TLE4: variants seen among roughly 807,000 people sequenced by gnomAD.
TLE4 encodes the protein transducin-like enhancer protein 4.
TLE4 carries 8 observed loss-of-function variants against 92.8 expected under a neutral mutation model. That is an observed-to-expected ratio of 0.09 (90% CI 0.05 to 0.16). The LOEUF (loss-of-function observed/expected upper bound fraction) is 0.16, where lower values mean the gene tolerates loss of function less well. Ranked by LOEUF, TLE4 falls within the 10% of genes least tolerant of loss-of-function variation. The pLI is 1.00. For missense variants in TLE4, 675 were observed against 997.6 expected, an observed-to-expected ratio of 0.68 and a Z score of 4.36; for synonymous variants, 371 against 374.1, an observed-to-expected ratio of 0.99 and a Z score of 0.10.
chr9:79,595,910 G>C (rs558056936), intron 4 of TLE4, among the ~76,000 whole-genome samples: 1 of 148,870 alleles, frequency 6.7e-6, no homozygotes, highest in African/African-American at 2.5e-5. Context: ...GCAGTGGCAC[G>C]ATCTCAGCTC....
intron 4 of TLE4, among the ~76,000 whole-genome samples, chr9:79,595,550 G>A (rs765507906): frequency 9.2e-5 from 14 of 152,166 alleles, no homozygotes; most frequent in Non-Finnish European, 1.8e-4. Context: ...GTTGTATCAG[G>A]TTATTTTATA....
At position 79,687,173 on chromosome 9, in the gene TLE4, G is replaced by A. The variant is rs567818116; in HGVS notation, c.610-17610G>A. 6.6e-5 allele frequency among the ~76,000 whole-genome samples: 10 copies of A among 152,300 alleles called. No homozygotes were observed. In the South Asian group the frequency reaches 1.2e-3, roughly 19 times the overall value. On this transcript the variant is annotated intron_variant, in intron 8 of 19. Coordinates refer to ENST00000376552, the MANE Select transcript of TLE4 (RefSeq NM_007005.6). ...CTACATTCTTCTTCTCCCCCGAATC[G>A]TAATTGCCCTTGGATCCAGCCGTGG...
chr9:79,676,824 T>TA (rs1404890857), intron 8 of TLE4, among the ~76,000 whole-genome samples: 2 of 152,174 alleles, frequency 1.3e-5, no homozygotes, highest in Non-Finnish European at 2.9e-5. Context: ...TTTATTATTT[T>TA]AAAAAATCCT....
intron 8 of TLE4, among the ~76,000 whole-genome samples, chr9:79,681,842 G>A (rs2064732310): frequency 7.1e-6 from 1 of 140,138 alleles, no homozygotes; most frequent in African/African-American, 3.0e-5. Context: ...ATGTGTGTGT[G>A]TGTGTGTGTG....
chr9:79,669,202 T>C (rs2061869558), intron 8 of TLE4, among the ~76,000 whole-genome samples: 1 of 152,136 alleles, frequency 6.6e-6, no homozygotes. Flanking sequence ...AGTGCACACA[T>C]GGTCAGTGGA....
chr9:79,687,596 C>G (rs1201505001), intron 8 of TLE4, among the ~76,000 whole-genome samples: 2 of 152,182 alleles, frequency 1.3e-5, no homozygotes, highest in Non-Finnish European at 2.9e-5. Flanking sequence ...ATTGTCAACC[C>G]TAATGAAGCA....
At chr9:79,674,794 G>A (rs1318194604) in intron 8 of TLE4, among the ~76,000 whole-genome samples, 17 of 152,186 alleles carry the variant, frequency 1.1e-4, no homozygotes, top group Admixed American at 9.2e-4. Context: ...ACACAGTCCC[G>A]TGCGTGTTTT....
At chr9:79,707,291 C>T (rs1371515912) in intron 11 of TLE4, 6 of 1,220,486 alleles carry the variant, frequency 4.9e-6, no homozygotes, top group Non-Finnish European at 7.2e-6. Flanking sequence ...CATATGACGG[C>T]AATAATTTTC....
chr9:79,674,477 G>A (rs1035419754), intron 8 of TLE4, among the ~76,000 whole-genome samples: 1 of 152,154 alleles, frequency 6.6e-6, no homozygotes, highest in Non-Finnish European at 1.5e-5. Flanking sequence ...CTTGATGTAG[G>A]CAAAATGCAA....
intron 6 of TLE4, among the ~76,000 whole-genome samples, chr9:79,645,307 C>A (rs774617947): frequency 2.0e-5 from 3 of 152,044 alleles, no homozygotes; most frequent in Admixed American, 6.5e-5. Flanking sequence ...AAGGAAGGTG[C>A]GTGTTTTTTG....
At chr9:79,694,582 C>T (rs1329036680) in intron 8 of TLE4, among the ~76,000 whole-genome samples, 1 of 152,150 alleles carries the variant, frequency 6.6e-6, no homozygotes, top group Non-Finnish European at 1.5e-5. Context: ...ACTGAAGTTA[C>T]TATCAGTCAC....
At position 79,606,376 on chromosome 9, in the gene TLE4, T is replaced by G. The variant is rs534344939; in HGVS notation, c.253-6280T>G. ...TACCTAAGATTAGTGTGTGTGTGTT[T>G]TTTTTTTTTTTTTAAATACTTTTTA... is the stretch of plus-strand genomic sequence containing the variant. On this transcript the variant is annotated intron_variant, in intron 4 of 19. Transcript: ENST00000376552. Among the ~76,000 whole-genome samples the G allele has an allele frequency of 7.7e-4, 109 of 141,608 alleles. 1 individual carries two copies. The highest frequency in any genetic ancestry group is 4.5e-3 in the East Asian group (23 of 5,070). The allele number at this position is 141,608 out of a possible 152,430, so 92.9% of individuals were successfully genotyped here. A position where few individuals can be genotyped will look rare whatever the true frequency, so the allele number is the denominator to read the frequency against.
At chr9:79,649,986 G>A (rs2058698282) in intron 6 of TLE4, 2 of 805,432 alleles carry the variant, frequency 2.5e-6, no homozygotes, top group Admixed American at 3.3e-5. Context: ...CACAATCATG[G>A]CTCACTGCAG....
intron 19 of TLE4, among the ~76,000 whole-genome samples, chr9:79,724,679 A>G (rs1400530833): frequency 6.6e-6 from 1 of 151,712 alleles, no homozygotes; most frequent in Non-Finnish European, 1.5e-5. Context: ...CCCTCTCTCT[A>G]CAAAAAAAGT....
At chr9:79,677,277 A>G (rs1030068332) in intron 8 of TLE4, among the ~76,000 whole-genome samples, 5 of 152,166 alleles carry the variant, frequency 3.3e-5, no homozygotes, top group African/African-American at 1.2e-4. Flanking sequence ...AACTATTTGC[A>G]TGCTAAAAGT....
chr9:79,576,800 C>T (rs1243244259), intron 4 of TLE4: 2 of 143,996 alleles, frequency 1.4e-5, no homozygotes, highest in Non-Finnish European at 3.0e-5. Context: ...GCAATTAGTT[C>T]AGTAGCAAAA....
At chr9:79,675,490 A>T (rs761023395) in intron 8 of TLE4, among the ~76,000 whole-genome samples, 1 of 152,242 alleles carries the variant, frequency 6.6e-6, no homozygotes, top group Non-Finnish European at 1.5e-5. Context: ...GCATTTTCTT[A>T]TATTAATTTG....
chr9:79,682,193 C>T (rs918058842), intron 8 of TLE4, among the ~76,000 whole-genome samples: 7 of 152,002 alleles, frequency 4.6e-5, no homozygotes, highest in Non-Finnish European at 8.8e-5. Flanking sequence ...GTCTTTTATC[C>T]ACTATTCTGA....
chr9:79,630,836 A>G (rs1304361967), intron 6 of TLE4, among the ~76,000 whole-genome samples: 1 of 152,232 alleles, frequency 6.6e-6, no homozygotes, highest in Non-Finnish European at 1.5e-5. Flanking sequence ...GAACCTCATA[A>G]GAATTTCACC....
Sources: allele counts gnomAD v4.1 joint callset (sites outside exome capture counted in the v4.1 genomes callset), GRCh38; gene constraint gnomAD v4.1.1; transcripts MANE v1.5; gene names NCBI Gene and HGNC (gene_info 2026-07-23, HGNC 2026-07-21).